The following DSCAM variants were observed in gnomAD, a reference collection of about 807,000 sequenced individuals.
DSCAM encodes the protein cell adhesion molecule DSCAM.
In DSCAM, 47 loss-of-function variants were observed where a neutral mutation model predicts 217.7. The observed-to-expected ratio is 0.22, with a 90% CI of 0.17 to 0.28. DSCAM has a LOEUF of 0.28. Among genes scored for constraint, DSCAM ranks in the 10% least tolerant of loss-of-function variants. DSCAM has a pLI of 1.00. For synonymous variants in DSCAM, 1,056 were observed against 1,015.3 expected, an observed-to-expected ratio of 1.04 and a Z score of -0.76; for missense variants, 2,080 against 2,618.3, an observed-to-expected ratio of 0.79 and a Z score of 4.49.
At chr21:40,166,683 C>A (rs949731069) in intron 16 of DSCAM, among the ~76,000 whole-genome samples, 5 of 152,204 alleles carry the variant, frequency 3.3e-5, no homozygotes, top group Admixed American at 3.3e-4. Flanking sequence ...TAACCAGCAG[C>A]CAGTCTGCCT....
intron 1 of DSCAM, among the ~76,000 whole-genome samples, chr21:40,748,351 A>C (rs919288533): frequency 6.6e-5 from 10 of 151,888 alleles, no homozygotes; most frequent in African/African-American, 2.4e-4. Context: ...ATCAAAAAAA[A>C]AATATTAGAA....
At chr21:40,604,511 C>A (rs2089205628) in intron 3 of DSCAM, among the ~76,000 whole-genome samples, 1 of 152,116 alleles carries the variant, frequency 6.6e-6, no homozygotes, top group South Asian at 2.1e-4. Flanking sequence ...GAGTCAGACA[C>A]AGTATTTGGG....
At chr21:40,766,905 C>T (rs1178389549) in intron 1 of DSCAM, among the ~76,000 whole-genome samples, 5 of 151,978 alleles carry the variant, frequency 3.3e-5, no homozygotes, top group African/African-American at 1.2e-4. Context: ...AGGCTGATCT[C>T]GAACTCCTGA....
intron 32 of DSCAM, among the ~76,000 whole-genome samples, chr21:40,020,927 G>A (rs1040393968): frequency 2.0e-5 from 3 of 152,184 alleles, no homozygotes; most frequent in African/African-American, 7.2e-5. Flanking sequence ...TCCTGTCAGA[G>A]ACCCTAAGTG....
rs957404799 is a variant in DSCAM at position 40,272,866 on chromosome 21, A to AT, written c.2356+3230dup. On this transcript the variant is annotated intron_variant, in intron 11 of 32. Coordinates refer to ENST00000400454, the MANE Select transcript of DSCAM (RefSeq NM_001389.5). ...GACCAGTAAACTCTCCTTTATATCT[A>AT]TTTTTTTTTTCAGTTTGAGATCCTA... Among the ~76,000 whole-genome samples, 622 of 149,236 alleles carry AT rather than the reference A, an allele frequency of 4.2e-3. 2 individuals are homozygous for AT. Among genetic ancestry groups the AT allele is most frequent in the African/African-American group, 0.013 (542 of 40,686 alleles).
chr21:40,019,416 C>T (rs1327296940), intron 32 of DSCAM, among the ~76,000 whole-genome samples: 2 of 152,200 alleles, frequency 1.3e-5, no homozygotes, highest in African/African-American at 4.8e-5. Flanking sequence ...GTTTCCTTAT[C>T]CATAAAATGG....
At chr21:40,036,977 T>C (rs1259433325) in intron 32 of DSCAM, among the ~76,000 whole-genome samples, 1 of 150,728 alleles carries the variant, frequency 6.6e-6, no homozygotes, top group Non-Finnish European at 1.5e-5. Context: ...CCCTTCATGC[T>C]AAAAACTCTT....
chr21:40,648,097 T>TC (rs1019913877), intron 3 of DSCAM, among the ~76,000 whole-genome samples: 2 of 151,848 alleles, frequency 1.3e-5, no homozygotes, highest in African/African-American at 4.8e-5. Context: ...TTGCAAAATT[T>TC]GGAAAAGTAA....
At chr21:40,833,581 C>T (rs978064237) in intron 1 of DSCAM, among the ~76,000 whole-genome samples, 1 of 152,202 alleles carries the variant, frequency 6.6e-6, no homozygotes. Flanking sequence ...CCCTGAGCAT[C>T]CATGTTCTTA....
At chr21:40,071,546 T>C (rs1036670160) in intron 27 of DSCAM, among the ~76,000 whole-genome samples, 4 of 152,226 alleles carry the variant, frequency 2.6e-5, no homozygotes, top group African/African-American at 9.6e-5. Context: ...ATTTCAACCA[T>C]ATAAAATTGA....
At chr21:40,596,779 T>C (rs914699666) in intron 3 of DSCAM, among the ~76,000 whole-genome samples, 7 of 152,208 alleles carry the variant, frequency 4.6e-5, no homozygotes, top group South Asian at 4.1e-4. Context: ...TTATGTGATC[T>C]ACGACCTGAC....
chr21:40,269,751 C>T (rs866490656), intron 11 of DSCAM, among the ~76,000 whole-genome samples: 30 of 152,326 alleles, frequency 2.0e-4, no homozygotes, highest in Non-Finnish European at 8.8e-5. Context: ...TGTTTTCCAT[C>T]TGTGTCTGCA....
intron 8 of DSCAM, among the ~76,000 whole-genome samples, chr21:40,337,460 T>A (rs1569071106): frequency 1.3e-5 from 2 of 152,248 alleles, no homozygotes. Context: ...ACTAAAAGTC[T>A]GCGTATCCTT....
chr21:40,298,501 C>G (rs541706003), intron 9 of DSCAM, among the ~76,000 whole-genome samples: 1 of 151,816 alleles, frequency 6.6e-6, no homozygotes, highest in Non-Finnish European at 1.5e-5. Flanking sequence ...AGATGGTATT[C>G]GGAGACAAAA....
chr21:40,700,237 T>C (rs2090640731), intron 2 of DSCAM, among the ~76,000 whole-genome samples: 1 of 152,244 alleles, frequency 6.6e-6, no homozygotes, highest in Non-Finnish European at 1.5e-5. Flanking sequence ...CGATGTAGAA[T>C]AGAAGTGGTG....
intron 3 of DSCAM, among the ~76,000 whole-genome samples, chr21:40,487,326 T>TGAGAGA (rs10598197): frequency 2.9e-4 from 21 of 72,780 alleles, no homozygotes; most frequent in Non-Finnish European, 4.5e-4. Context: ...TGTGTGTGTG[T>TGAGAGA]GAGAGAGAGA....
At chr21:40,401,399 T>C (rs2075232277) in intron 3 of DSCAM, among the ~76,000 whole-genome samples, 1 of 151,536 alleles carries the variant, frequency 6.6e-6, no homozygotes, top group African/African-American at 2.4e-5. Flanking sequence ...AAAATTGGAT[T>C]TTTTTTTCTG....
intron 3 of DSCAM, among the ~76,000 whole-genome samples, chr21:40,403,574 G>T (rs1207210109): frequency 6.6e-6 from 1 of 151,604 alleles, no homozygotes; most frequent in Non-Finnish European, 1.5e-5. Flanking sequence ...GGTTTGGCAG[G>T]CTAATCATTG....
chr21:40,716,017 T>C (rs117555939), intron 1 of DSCAM, among the ~76,000 whole-genome samples: 2 of 152,312 alleles, frequency 1.3e-5, no homozygotes, highest in East Asian at 1.9e-4. Context: ...CTTGTGAAAT[T>C]ATTTAAATGA....
Sources: gnomAD v4.1 joint callset for allele counts (sites outside exome capture counted in the v4.1 genomes callset) on GRCh38, gnomAD v4.1.1 for gene constraint, MANE v1.5 for transcripts, NCBI Gene and HGNC (gene_info 2026-07-23, HGNC 2026-07-21) for gene names.